Variants in ELAPOR2 observed in about 807,000 individuals in gnomAD.
ELAPOR2 encodes the protein endosome-lysosome associated apoptosis and autophagy regulator family member 2.
Under a neutral mutation model 120.7 loss-of-function variants are expected in ELAPOR2, and 89 were observed. That is an observed-to-expected ratio of 0.74 (90% CI 0.62 to 0.88). The LOEUF (loss-of-function observed/expected upper bound fraction) is 0.88, where lower values mean the gene tolerates loss of function less well. ELAPOR2 is among the 40% of genes least tolerant of loss of function. ELAPOR2 has a pLI of 0.00. For synonymous variants in ELAPOR2, 444 were observed against 444.9 expected (o/e 1.00, Z 0.03); for missense variants, 1,134 against 1,251.6 (o/e 0.91, Z 1.42).
chr7:86,923,278 A>G (rs1455626011), intron 10 of ELAPOR2, among the ~76,000 whole-genome samples: 1 of 152,004 alleles, frequency 6.6e-6, no homozygotes, highest in Non-Finnish European at 1.5e-5. Context: ...CAAAATAGCT[A>G]GAAGAATTAG....
At chr7:87,010,586 C>A (rs1297013931) in intron 1 of ELAPOR2, among the ~76,000 whole-genome samples, 2 of 152,120 alleles carry the variant, frequency 1.3e-5, no homozygotes, top group African/African-American at 4.8e-5. Flanking sequence ...TTGAGTAGAA[C>A]AGAGAAGAGC....
chr7:86,987,701 A>G (rs200390043), intron 1 of ELAPOR2, among the ~76,000 whole-genome samples: 42 of 151,524 alleles, frequency 2.8e-4, no homozygotes, highest in African/African-American at 9.7e-4. Flanking sequence ...GAAACAACAG[A>G]TGCTGGAGAG....
At chr7:86,968,632 A>G (rs976126248) in intron 1 of ELAPOR2, among the ~76,000 whole-genome samples, 1 of 152,226 alleles carries the variant, frequency 6.6e-6, no homozygotes, top group Non-Finnish European at 1.5e-5. Context: ...GAAACTGATC[A>G]TTCTGAAAGG....
In ELAPOR2 at chr7:86,893,193, A is replaced by C. The variant is rs559309010; in HGVS notation, c.2686-93T>G. On this transcript the variant is annotated intron_variant, in intron 19 of 21. Transcript: ENST00000450689. ...TAGATTTGTCACTGGTCAATTTCTT[A>C]CATAAAAGAAGAAAGGGTTTTGCTA... 108 of 986,982 alleles carry C rather than the reference A, an allele frequency of 1.1e-4. 2 individuals are homozygous for C. The highest frequency in any genetic ancestry group is 2.8e-5 in the East Asian group (1 of 35,148). The allele number at this position is 986,982 out of a possible 1,614,324, so 61.1% of individuals were successfully genotyped here.
intron 8 of ELAPOR2, among the ~76,000 whole-genome samples, chr7:86,935,392 C>T (rs1790520039): frequency 6.6e-6 from 1 of 152,072 alleles, no homozygotes; most frequent in African/African-American, 2.4e-5. Context: ...CTTCCTTGGC[C>T]TTGCCCAGTT....
chr7:87,019,630 G>T (rs1199282036), intron 1 of ELAPOR2, among the ~76,000 whole-genome samples: 1 of 152,138 alleles, frequency 6.6e-6, no homozygotes, highest in Non-Finnish European at 1.5e-5. Context: ...AAGTAACAGT[G>T]ATTATGAATA....
chr7:86,951,642 G>A (rs1413841957), intron 2 of ELAPOR2, among the ~76,000 whole-genome samples: 1 of 152,198 alleles, frequency 6.6e-6, no homozygotes, highest in Non-Finnish European at 1.5e-5. Flanking sequence ...CGCAGTAGTT[G>A]TGTTATATGA....
Position 86,896,118 on chromosome 7 carries a change from T to A in ELAPOR2, c.2685+1388A>T, listed in dbSNP as rs377760921. ...CACATTTGACAAATTAAATAACACA[T>A]TTCCTAATTTTTGTTTTTGTGTTGT... On this transcript the variant is annotated intron_variant, in intron 19 of 21. Coordinates refer to ENST00000450689, the MANE Select transcript of ELAPOR2 (RefSeq NM_001142749.3). Among the ~76,000 whole-genome samples, 8 of 152,096 alleles carry A rather than the reference T, an allele frequency of 5.3e-5. No homozygotes were observed. In the East Asian group the frequency reaches 5.8e-4, roughly 11 times the overall value.
chr7:86,958,831 T>A (rs1173243125), intron 2 of ELAPOR2, among the ~76,000 whole-genome samples: 2 of 152,218 alleles, frequency 1.3e-5, no homozygotes, highest in East Asian at 3.8e-4. Flanking sequence ...TCTTTTGTGG[T>A]TCCATATGAG....
intron 21 of ELAPOR2, among the ~76,000 whole-genome samples, chr7:86,883,909 A>G (rs1562894567): frequency 6.6e-6 from 1 of 152,346 alleles, no homozygotes; most frequent in East Asian, 1.9e-4. Flanking sequence ...GTATTGAATT[A>G]TCATCAATGA....
chr7:86,938,595 TG>T (rs1280390285), intron 7 of ELAPOR2, among the ~76,000 whole-genome samples: 1 of 152,020 alleles, frequency 6.6e-6, no homozygotes, highest in Non-Finnish European at 1.5e-5. Flanking sequence ...CTGTGGGGTG[TG>T]GAATAGAAAA....
At chr7:86,883,052 G>GTA (rs1799494377) in intron 21 of ELAPOR2, among the ~76,000 whole-genome samples, 1 of 151,866 alleles carries the variant, frequency 6.6e-6, no homozygotes, top group Non-Finnish European at 1.5e-5. Flanking sequence ...GTGTGTGTGT[G>GTA]TGTGTGTGTG....
chr7:86,882,382 C>T (rs75723800), intron 21 of ELAPOR2, among the ~76,000 whole-genome samples: 1,704 of 152,196 alleles, frequency 0.011, 16 homozygotes, highest in African/African-American at 0.033. Flanking sequence ...AAATTTGATT[C>T]AACATGGTGT....
intron 1 of ELAPOR2, among the ~76,000 whole-genome samples, chr7:87,041,477 G>T (rs889105674): frequency 1.3e-5 from 2 of 152,050 alleles, no homozygotes; most frequent in South Asian, 4.1e-4. Context: ...TTAAAGAAAA[G>T]AATTTTCAAC....
intron 21 of ELAPOR2, among the ~76,000 whole-genome samples, chr7:86,881,638 G>A (rs1470595883): frequency 6.6e-6 from 1 of 152,102 alleles, no homozygotes; most frequent in Non-Finnish European, 1.5e-5. Context: ...TTACAGGCAT[G>A]AGCCACTGCG....
chr7:87,043,722 C>T (rs1382279689), intron 1 of ELAPOR2, among the ~76,000 whole-genome samples: 2 of 129,184 alleles, frequency 1.5e-5, no homozygotes, highest in African/African-American at 5.4e-5. Context: ...TGCCCTCTCT[C>T]CACTCCTATT....
At chr7:86,887,388 G>A (rs954251259) in intron 21 of ELAPOR2, among the ~76,000 whole-genome samples, 2 of 152,074 alleles carry the variant, frequency 1.3e-5, no homozygotes, top group African/African-American at 2.4e-5. Context: ...CATGCCAAAA[G>A]TTGACCAGTT....
chr7:86,993,609 A>T (rs1291156108), intron 1 of ELAPOR2, among the ~76,000 whole-genome samples: 1 of 152,236 alleles, frequency 6.6e-6, no homozygotes, highest in Non-Finnish European at 1.5e-5. Context: ...GTTTTACATT[A>T]AGGTTGAGTT....
At chr7:86,894,975 T>C (rs1001639120) in intron 19 of ELAPOR2, among the ~76,000 whole-genome samples, 5 of 152,032 alleles carry the variant, frequency 3.3e-5, no homozygotes, top group African/African-American at 1.2e-4. Context: ...ATCAGCTGTA[T>C]GTGGAGGACT....
Sources: allele counts gnomAD v4.1 joint callset (sites outside exome capture counted in the v4.1 genomes callset), GRCh38; gene constraint gnomAD v4.1.1; transcripts MANE v1.5; gene names NCBI Gene and HGNC (gene_info 2026-07-23, HGNC 2026-07-21).